GLYR1: variants seen among roughly 807,000 people sequenced by gnomAD.
GLYR1 encodes cytokine-like nuclear factor N-PAC.
In GLYR1, 21 loss-of-function variants were observed where a neutral mutation model predicts 72.7. The ratio of observed to expected loss-of-function variants is 0.29; its 90% CI spans 0.20 to 0.42. The LOEUF (loss-of-function observed/expected upper bound fraction) is 0.42. Among genes scored for constraint, GLYR1 ranks in the 10% least tolerant of loss-of-function variants. The pLI, the probability that GLYR1 is intolerant of heterozygous loss-of-function variation, is 1.00. For missense variants in GLYR1, 594 were observed against 712.1 expected, an observed-to-expected ratio of 0.83 and a Z score of 1.89; for synonymous variants, 392 against 270.2, an observed-to-expected ratio of 1.45 and a Z score of -4.42.
rs796498168 is a variant in GLYR1 at position 4,841,227 on chromosome 16, T to G, written c.155+3847A>C. On this transcript the variant is annotated intron_variant, in intron 3 of 15. Coordinates refer to ENST00000321919, the MANE Select transcript of GLYR1 (RefSeq NM_032569.4). ...CACTGGCTTCACCTGTTTGCCTGGT[T>G]AAGCTCTGAAATTAACTCAACTCCA... Among the ~76,000 whole-genome samples, 11 of 152,208 alleles carry G rather than the reference T, an allele frequency of 7.2e-5. No homozygotes were observed. In the South Asian group the frequency reaches 2.1e-3, roughly 29 times the overall value.
intron 3 of GLYR1, among the ~76,000 whole-genome samples, chr16:4,836,834 A>T (rs1457563790): frequency 6.6e-6 from 1 of 151,858 alleles, no homozygotes; most frequent in Non-Finnish European, 1.5e-5. Context: ...AAAAAACAAA[A>T]CAAATCAATA....
chr16:4,810,488 C>T (rs113477600), intron 15 of GLYR1, among the ~76,000 whole-genome samples: 4 of 150,526 alleles, frequency 2.7e-5, no homozygotes, highest in Admixed American at 1.3e-4. Flanking sequence ...CCAGCCTGGG[C>T]GACAGAGTGA....
At position 4,846,216 on chromosome 16, in the gene GLYR1, G is replaced by T; in HGVS notation, c.39-6C>A. On this transcript the variant is annotated splice_polypyrimidine_tract_variant and splice_region_variant and intron_variant, in intron 1 of 15. Coordinates refer to ENST00000321919, the MANE Select transcript of GLYR1 (RefSeq NM_032569.4). ...GATATCGGCCGAGTTTCCCCCTAGA[G>T]AAAACACAAAGAGTCAACACTTGCC... The T allele has an allele frequency of 6.2e-7, 1 of 1,613,834 alleles. No individual in the cohort carries two copies. The highest frequency in any genetic ancestry group is 8.5e-7 in the Non-Finnish European group (1 of 1,179,846).
chr16:4,823,791 G>A (rs530246016), intron 6 of GLYR1, 30 bp downstream of exon 6: 1 of 1,571,252 alleles, frequency 6.4e-7, no homozygotes, highest in South Asian at 1.1e-5. Flanking sequence ...CTAAGCCACA[G>A]CTTGTCCTGC....
intron 13 of GLYR1, 40 bp downstream of exon 13, chr16:4,812,046 T>C (rs753964504): frequency 3.8e-6 from 6 of 1,592,320 alleles, no homozygotes; most frequent in South Asian, 1.1e-5. Flanking sequence ...AGAGGAGATG[T>C]GGCCCCAGGC....
intron 9 of GLYR1, among the ~76,000 whole-genome samples, chr16:4,820,156 C>G (rs2083919156): frequency 6.6e-6 from 1 of 152,130 alleles, no homozygotes. Flanking sequence ...CACCATCATG[C>G]CTGGCTAATT....
chr16:4,846,959 G>A, intron 1 of GLYR1: 1 of 500,906 alleles, frequency 2.0e-6, no homozygotes, highest in Non-Finnish European at 3.5e-6. Flanking sequence ...CTTCACGGGG[G>A]CCGCCAGTAT....
chr16:4,845,066 C>T lies in GLYR1; in HGVS notation c.155+8G>A, dbSNP rs752120415. On this transcript the variant is annotated splice_region_variant and intron_variant, in intron 3 of 15. Coordinates refer to ENST00000321919, the MANE Select transcript of GLYR1 (RefSeq NM_032569.4). The stretch of plus-strand genomic sequence containing the variant: ...GGCGAAGGGAGACTCCTGGTGAGTA[C>T]TACTCACTGATCTTCTGTTCCAAAA... The T allele has an allele frequency of 1.3e-5, 21 of 1,592,652 alleles. No individual in the cohort carries two copies. Among genetic ancestry groups the T allele is most frequent in the Non-Finnish European group, 1.8e-5 (21 of 1,160,502 alleles).
At chr16:4,810,251 C>T (rs1479006439) in intron 15 of GLYR1, among the ~76,000 whole-genome samples, 2 of 127,856 alleles carry the variant, frequency 1.6e-5, no homozygotes, top group Non-Finnish European at 3.6e-5. Context: ...AATCCCAGCA[C>T]TTTGAGAGGC....
chr16:4,823,896 G>C lies in GLYR1; in HGVS notation c.549C>G (p.Ile183Met). 1.2e-6 allele frequency: 2 copies of C among 1,613,986 alleles called. No individual in the cohort carries two copies. Among genetic ancestry groups the C allele is most frequent in the Non-Finnish European group, 1.7e-6 (2 of 1,179,914 alleles). Residue 183 changes from isoleucine to methionine, a missense_variant, in exon 6 of 16, where the codon ATC becomes ATG. By Grantham distance (10) the Ile-to-Met change is conservative (BLOSUM62 1). Coordinates refer to ENST00000321919, the MANE Select transcript of GLYR1 (RefSeq NM_032569.4). ...TCCCCTTCACGGTACTAGACTCCGG[G>C]ATGGTGAGATCCTATAGAGGGAGGG... is the stretch of plus-strand genomic sequence containing the variant. Reference protein sequence around the residue: ...RPPKDEKDLTIPESSTVKGMM... With the variant: ...RPPKDEKDLTMPESSTVKGMM...
chr16:4,822,681 G>T (rs762425574), intron 7 of GLYR1, among the ~76,000 whole-genome samples, 194 bp downstream of exon 7: 1 of 152,318 alleles, frequency 6.6e-6, no homozygotes, highest in Non-Finnish European at 1.5e-5. Flanking sequence ...GAGCCACCGC[G>T]CCCGGCCTGG....
At chr16:4,816,631 A>G (rs1213106182) in intron 10 of GLYR1, among the ~76,000 whole-genome samples, 1 of 152,048 alleles carries the variant, frequency 6.6e-6, no homozygotes, top group Non-Finnish European at 1.5e-5. Flanking sequence ...TGTGATTTTT[A>G]TTAGTTCTAG....
intron 15 of GLYR1, 31 bp downstream of exon 15, chr16:4,811,139 G>A (rs2083303438): frequency 4.4e-6 from 7 of 1,576,416 alleles, no homozygotes; most frequent in African/African-American, 1.4e-5. Context: ...GAAACTGAAG[G>A]GCCTTGGGGC....
rs962384367 is a variant in GLYR1, at chr16:4,821,595, T to C, written c.684A>G (p.Pro228=). 1 of 1,613,804 alleles carries C rather than the reference T, an allele frequency of 6.2e-7. No individual in the cohort carries two copies. The highest frequency in any genetic ancestry group is 1.3e-5 in the African/African-American group (1 of 74,920). Residue 228 remains proline (P), a splice_region_variant and synonymous_variant, in exon 8 of 16, where the codon CCA becomes CCG. Coordinates refer to ENST00000321919, the MANE Select transcript of GLYR1 (RefSeq NM_032569.4). ...HHFLLSQTEK[P]AVCYQAITKK... is the part of the protein sequence containing the mutation. Reference sequence around the variant, plus strand: ...TCGTGATTGCCTGGTAACAGACAGCTGGCTAATGAAGGAGGAGGAAAGAGA... The same window carrying C: ...TCGTGATTGCCTGGTAACAGACAGCCGGCTAATGAAGGAGGAGGAAAGAGA...
At chr16:4,814,091 T>TA (rs2141961835) in intron 11 of GLYR1, 1 of 392,592 alleles carries the variant, frequency 2.5e-6, no homozygotes, top group African/African-American at 2.1e-5. Context: ...AAACCCCATT[T>TA]AAAAGAATAA....
At chr16:4,823,583 A>G (rs1251286382) in intron 6 of GLYR1, among the ~76,000 whole-genome samples, 2 of 152,234 alleles carry the variant, frequency 1.3e-5, no homozygotes, top group Admixed American at 1.3e-4. Flanking sequence ...ATAGGTCTAT[A>G]ATCATGTAAA....
Position 4,809,020 on chromosome 16 carries a change from A to T in GLYR1, c.1587+2150T>A, listed in dbSNP as rs545324687. Among the ~76,000 whole-genome samples the T allele has an allele frequency of 2.6e-5, 4 of 152,236 alleles. No homozygotes were observed. The South Asian group carries it at 8.3e-4, about 32-fold the overall frequency. On this transcript the variant is annotated intron_variant, in intron 15 of 15. Transcript: ENST00000321919. The stretch of plus-strand genomic sequence containing the variant: ...TTAAAACATCATTTGAAAAATGCTA[A>T]TAGACATGCTAATTAAAAGGCAGAT...
rs532615412 is a variant in GLYR1 at position 4,819,860 on chromosome 16, T to C, written c.806+1520A>G. 3.9e-5 allele frequency among the ~76,000 whole-genome samples: 6 copies of C among 152,272 alleles called. No individual in the cohort carries two copies. In the South Asian group the frequency reaches 1.2e-3, roughly 32 times the overall value. ...AGACCTCCTTGCTAACTGCTTCAAGTTGTGGCTTAAAAACAAGGAGGTACC... is the reference window on the plus strand; with the variant it reads ...AGACCTCCTTGCTAACTGCTTCAAGCTGTGGCTTAAAAACAAGGAGGTACC... On this transcript the variant is annotated intron_variant, in intron 9 of 15. Transcript: ENST00000321919.
At chr16:4,842,243 CAAA>C (rs563438281) in intron 3 of GLYR1, among the ~76,000 whole-genome samples, 4 of 115,958 alleles carry the variant, frequency 3.4e-5, no homozygotes, top group African/African-American at 1.3e-4. Context: ...GACTCCGTTT[CAAA>C]AAAAAAAAAA....
Sources: gnomAD v4.1 joint callset for allele counts (sites outside exome capture counted in the v4.1 genomes callset) on GRCh38, gnomAD v4.1.1 for gene constraint, MANE v1.5 for transcripts, NCBI Gene and HGNC (gene_info 2026-07-23, HGNC 2026-07-21) for gene names.